Variants in HTR7 observed in about 807,000 individuals in gnomAD.
HTR7 encodes 5-hydroxytryptamine receptor 7, also known as 5-HT-7.
In HTR7, 16 loss-of-function variants were observed where a neutral mutation model predicts 34.0. That is an observed-to-expected ratio of 0.47 (90% CI 0.32 to 0.71). The LOEUF is 0.71. Among genes scored for constraint, HTR7 ranks in the 30% least tolerant of loss-of-function variants. The pLI is 0.04. For missense variants in HTR7, 504 were observed against 625.5 expected, an observed-to-expected ratio of 0.81 and a Z score of 2.07; for synonymous variants, 265 against 260.2, an observed-to-expected ratio of 1.02 and a Z score of -0.18.
intron 1 of HTR7, among the ~76,000 whole-genome samples, chr10:90,751,710 T>C (rs908565783): frequency 2.6e-5 from 4 of 152,214 alleles, no homozygotes; most frequent in Non-Finnish European, 5.9e-5. Context: ...AAAGGTTGTA[T>C]TTTATTTGTG....
intron 1 of HTR7, among the ~76,000 whole-genome samples, chr10:90,788,166 T>C (rs1845409591): frequency 6.6e-6 from 1 of 152,046 alleles, no homozygotes; most frequent in Non-Finnish European, 1.5e-5. Context: ...ATTATAGCAA[T>C]TACCTGGGTA....
chr10:90,854,650 G>A (rs1846552454), intron 1 of HTR7, among the ~76,000 whole-genome samples: 1 of 152,170 alleles, frequency 6.6e-6, no homozygotes, highest in Admixed American at 6.5e-5. Flanking sequence ...AAGACGGGAT[G>A]GGAGCTCTGA....
Position 90,749,225 on chromosome 10 carries a change from T to C in HTR7, c.909A>G (p.Ala303=). The C allele has an allele frequency of 3.1e-6, 5 of 1,614,052 alleles. No individual in the cohort carries two copies. Among genetic ancestry groups the C allele is most frequent in the Non-Finnish European group, 4.2e-6 (5 of 1,179,996 alleles). ...CATGCTTGAGGAGTCTCGAAAGGTT[T>C]GCACACTCTTCCACCTCCTTCTGGA... is the stretch of plus-strand genomic sequence containing the variant. The part of the protein sequence containing the change: ...VKLQKEVEEC[A]NLSRLLKHER... Residue 303 remains alanine, a synonymous_variant, in exon 2 of 4, where the codon GCA becomes GCG. Coordinates refer to ENST00000336152, the MANE Select transcript of HTR7 (RefSeq NM_019859.4). The surrounding 1 kb of genome is among the most constrained non-coding windows in gnomAD (Gnocchi z 4.2).
rs534299789 is a variant in HTR7 at position 90,818,688 on chromosome 10, T to C, written c.539+38445A>G. Among the ~76,000 whole-genome samples, 4 of 152,284 alleles carry C rather than the reference T, an allele frequency of 2.6e-5. No individual in the cohort carries two copies. In the South Asian group the frequency reaches 8.3e-4, roughly 32 times the overall value. ...CCACTAGATGCTGGCACCATGTTCTTCAACTTCCCAGCCTCCAGAACCATG... is the reference window on the plus strand; with the variant it reads ...CCACTAGATGCTGGCACCATGTTCTCCAACTTCCCAGCCTCCAGAACCATG... On this transcript the variant is annotated intron_variant, in intron 1 of 3. Coordinates refer to ENST00000336152, the MANE Select transcript of HTR7 (RefSeq NM_019859.4).
rs1292398115 is a variant in HTR7, at chr10:90,844,725, TCAAAAAAAAAAAAAAAAA to T, written c.539+12390_539+12407del. Among the ~76,000 whole-genome samples, 13 of 27,794 alleles carry T rather than the reference TCAAAAAAAAAAAAAAAAA, an allele frequency of 4.7e-4. 1 individual carries two copies. The East Asian group carries it at 7.7e-3, about 17-fold the overall frequency. 18.2% of individuals were successfully genotyped at this position (27,794 alleles called of 152,430 possible). On this transcript the variant is annotated intron_variant, in intron 1 of 3. Coordinates refer to ENST00000336152, the MANE Select transcript of HTR7 (RefSeq NM_019859.4). ...CTGGGCAACAGAATGAGACTCCGTC[TCAAAAAAAAAAAAAAAAA>T]AAAAAAAAAAAAAAAAAAAAAGATC... is the stretch of plus-strand genomic sequence containing the variant.
intron 1 of HTR7, among the ~76,000 whole-genome samples, chr10:90,770,117 C>T (rs1219284182): frequency 6.6e-6 from 1 of 152,252 alleles, no homozygotes; most frequent in Non-Finnish European, 1.5e-5. Context: ...AAGCCCTGGC[C>T]CAGCATGACC....
At chr10:90,763,080 C>T (rs1844965643) in intron 1 of HTR7, among the ~76,000 whole-genome samples, 1 of 152,078 alleles carries the variant, frequency 6.6e-6, no homozygotes, top group Non-Finnish European at 1.5e-5. Flanking sequence ...ATGCCTCGAG[C>T]TTTATTCTTC....
Position 90,748,969 on chromosome 10 carries a change from G to A in HTR7, c.1165C>T (p.Arg389Trp), listed in dbSNP as rs750208564. 16 of 1,613,994 alleles carry A rather than the reference G, an allele frequency of 9.9e-6. No individual in the cohort carries two copies. Among genetic ancestry groups the A allele is most frequent in the African/African-American group, 2.7e-5 (2 of 74,898 alleles). ...CTGCGATAGGTGGTCCTCAGGTCCC[G>A]GTTGAAGAAGGCATATATAAAAGGG... is the stretch of plus-strand genomic sequence containing the variant. ...INPFIYAFFN[R>W]DLRTTYRSLL... Residue 389 changes from arginine (R) to tryptophan (W), a missense_variant, in exon 2 of 4, where the codon CGG becomes TGG. By Grantham distance (101) the Arg-to-Trp change is moderately radical. Around this residue, in one of 4 missense-constraint regions of HTR7, gnomAD observed 154 missense variants for 212.1 expected, o/e 0.73. Coordinates refer to ENST00000336152, the MANE Select transcript of HTR7 (RefSeq NM_019859.4).
At chr10:90,758,113 C>T (rs1844865150) in intron 1 of HTR7, among the ~76,000 whole-genome samples, 1 of 151,846 alleles carries the variant, frequency 6.6e-6, no homozygotes, top group Non-Finnish European at 1.5e-5. Context: ...TTTGGGAGGC[C>T]AAGGAGGGCG....
intron 2 of HTR7, among the ~76,000 whole-genome samples, chr10:90,746,034 G>C (rs1844628053): frequency 6.6e-6 from 1 of 152,204 alleles, no homozygotes. Flanking sequence ...TAGCATAGAA[G>C]TTAAAAGCAC....
chr10:90,743,494 C>T (rs1844586340), intron 3 of HTR7, 99 bp downstream of exon 3: 2 of 965,944 alleles, frequency 2.1e-6, no homozygotes, highest in Non-Finnish European at 3.3e-6. Context: ...AGAGACAGTG[C>T]TTTCTCCAGC....
chr10:90,844,725 T>TAAAAAAAAAAA lies in HTR7; in HGVS notation c.539+12407_539+12408insTTTTTTTTTTT, dbSNP rs1564701422. ...CTGGGCAACAGAATGAGACTCCGTC[T>TAAAAAAAAAAA]CAAAAAAAAAAAAAAAAAAAAAAAA... On this transcript the variant is annotated intron_variant, in intron 1 of 3. Coordinates refer to ENST00000336152, the MANE Select transcript of HTR7 (RefSeq NM_019859.4). Among the ~76,000 whole-genome samples, 3 of 27,796 alleles carry TAAAAAAAAAAA rather than the reference T, an allele frequency of 1.1e-4. 1 individual carries two copies. The highest frequency in any genetic ancestry group is 3.1e-4 in the African/African-American group (3 of 9,802). 18.2% of individuals were successfully genotyped at this position (27,796 alleles called of 152,430 possible).
chr10:90,762,901 A>G (rs1844962269), intron 1 of HTR7, among the ~76,000 whole-genome samples: 1 of 152,146 alleles, frequency 6.6e-6, no homozygotes, highest in South Asian at 2.1e-4. Flanking sequence ...TTCTTTCCCC[A>G]TTGTGCACTC....
intron 1 of HTR7, among the ~76,000 whole-genome samples, chr10:90,818,456 G>T (rs1845930426): frequency 6.8e-6 from 1 of 146,986 alleles, no homozygotes; most frequent in African/African-American, 2.6e-5. Flanking sequence ...TGAGGCAGAA[G>T]AATTGCTTGA....
chr10:90,857,047 G>T lies in HTR7; in HGVS notation c.539+86C>A. On this transcript the variant is annotated intron_variant, in intron 1 of 3. Coordinates refer to ENST00000336152, the MANE Select transcript of HTR7 (RefSeq NM_019859.4). The surrounding 1 kb of genome is among the most constrained non-coding windows in gnomAD (Gnocchi z 6.5). ...TTCATCCCGCCTTGAAGTCTAGCTT[G>T]ATCCTCCCAGGAAAGGCGAGCGCGC... is the stretch of plus-strand genomic sequence containing the variant. 3 of 1,259,224 alleles carry T rather than the reference G, an allele frequency of 2.4e-6. No individual in the cohort carries two copies. The highest frequency in any genetic ancestry group is 1.5e-5 in the South Asian group (1 of 64,826). 78.0% of individuals were successfully genotyped at this position (1,259,224 alleles called of 1,614,324 possible).
At chr10:90,826,881 G>A (rs960201332) in intron 1 of HTR7, among the ~76,000 whole-genome samples, 1 of 152,000 alleles carries the variant, frequency 6.6e-6, no homozygotes, top group Non-Finnish European at 1.5e-5. Flanking sequence ...AGCTTGCAGT[G>A]AGTCAAGATC....
chr10:90,835,476 G>C (rs1328354961), intron 1 of HTR7, among the ~76,000 whole-genome samples: 2 of 152,216 alleles, frequency 1.3e-5, no homozygotes, highest in Admixed American at 1.3e-4. Flanking sequence ...TGGGTCATCA[G>C]TGGTGCAGCT....
chr10:90,759,233 A>T (rs1333109523), intron 1 of HTR7, among the ~76,000 whole-genome samples: 2 of 152,252 alleles, frequency 1.3e-5, no homozygotes, highest in East Asian at 3.9e-4. Flanking sequence ...CTGTTATCTA[A>T]GATTATAAAG....
chr10:90,760,046 G>A (rs1844909547), intron 1 of HTR7, among the ~76,000 whole-genome samples: 3 of 152,134 alleles, frequency 2.0e-5, no homozygotes, highest in Admixed American at 2.0e-4. Context: ...TATATCAAAG[G>A]GACATCTGCA....
Sources: allele counts gnomAD v4.1 joint callset (sites outside exome capture counted in the v4.1 genomes callset), GRCh38; gene constraint gnomAD v4.1.1; regional missense constraint gnomAD v4.1.1; non-coding constraint Gnocchi (gnomAD v3.1); transcripts MANE v1.5; gene names NCBI Gene and HGNC (gene_info 2026-07-23, HGNC 2026-07-21).